Variants in HAS3 observed in about 807,000 individuals in gnomAD.
The protein encoded by HAS3 is hyaluronan synthase 3.
Under a neutral mutation model 50.3 loss-of-function variants are expected in HAS3, and 27 were observed. That is an observed-to-expected ratio of 0.54 (90% CI 0.40 to 0.74). The LOEUF (loss-of-function observed/expected upper bound fraction) is 0.74. Among genes scored for constraint, HAS3 ranks in the 30% least tolerant of loss-of-function variants. HAS3 has a pLI of 0.00. For missense variants in HAS3, 517 were observed against 742.8 expected (o/e 0.70, Z 3.53); for synonymous variants, 339 against 310.9 (o/e 1.09, Z -0.95).
chr16:69,116,849 G>C lies in HAS3; in HGVS notation c.*1583G>C, dbSNP rs1276174959. 1 of 985,292 alleles carries C rather than the reference G, an allele frequency of 1.0e-6. No individual in the cohort carries two copies. The highest frequency in any genetic ancestry group is 1.2e-6 in the Non-Finnish European group (1 of 829,954). 61.0% of individuals were successfully genotyped at this position (985,292 alleles called of 1,614,324 possible). On this transcript the variant is annotated 3_prime_UTR_variant, in exon 4 of 4. Transcript: ENST00000569188. ...GCCCTCCAAATGTCCTTTCTCAGAG[G>C]GGCCAGCTAACCCGTGCAGAACCAG...
chr16:69,117,812 G>T, downstream of HAS3: 1 of 187,144 alleles, frequency 5.3e-6, no homozygotes, highest in Non-Finnish European at 1.0e-5. Flanking sequence ...TTAACTTTTA[G>T]TGTAGAGGGT....
downstream of HAS3, chr16:69,117,869 C>T (rs1259864122): frequency 1.2e-5 from 2 of 170,906 alleles, no homozygotes; most frequent in Admixed American, 1.1e-4. Context: ...CTTGCTAAGA[C>T]TAAAAACCAA....
chr16:69,113,718 C>T (rs1961086154), intron 3 of HAS3, among the ~76,000 whole-genome samples, 176 bp downstream of exon 3: 2 of 152,172 alleles, frequency 1.3e-5, no homozygotes, highest in South Asian at 4.1e-4. Flanking sequence ...CCCTTTCTTG[C>T]TCTTCTTCCA....
At position 69,117,502 on chromosome 16, in the gene HAS3, TTTC is replaced by T; in HGVS notation, c.*2237_*2239del. 1.0e-6 allele frequency: 1 copy of T among 975,282 alleles called. No homozygotes were observed. The highest frequency in any genetic ancestry group is 1.2e-6 in the Non-Finnish European group (1 of 820,250). The allele number at this position is 975,282 out of a possible 1,614,324, so 60.4% of individuals were successfully genotyped here. On this transcript the variant is annotated 3_prime_UTR_variant, in exon 4 of 4. Coordinates refer to ENST00000569188, the MANE Select transcript of HAS3 (RefSeq NM_001199280.2). ...TTATACAATTGGACGCATTTTGGTT[TTTC>T]CTCATTGAGAATTCAAATCCTCTTT...
At chr16:69,094,395 C>T in the HAS3 span, among the ~76,000 whole-genome samples, 138 of 152,188 alleles carry the variant, frequency 9.1e-4, no homozygotes, top group Middle Eastern at 3.4e-3. Flanking sequence ...CAAAACTTGG[C>T]GACCATGTTA....
chr16:69,088,557 C>CAAAAA, the HAS3 span, among the ~76,000 whole-genome samples: 1 of 52,194 alleles, frequency 1.9e-5, no homozygotes. Context: ...GACTCCATCT[C>CAAAAA]AAAAAAAAAA....
chr16:69,111,156 G>GTTTTT (rs1960987308), intron 2 of HAS3, among the ~76,000 whole-genome samples: 1 of 80,192 alleles, frequency 1.2e-5, no homozygotes. Context: ...TCTAGGCCAG[G>GTTTTT]ATTTTTTTTT....
At chr16:69,110,400 G>A (rs917949700) in intron 2 of HAS3, among the ~76,000 whole-genome samples, 11 of 152,100 alleles carry the variant, frequency 7.2e-5, no homozygotes, top group African/African-American at 9.7e-5. Context: ...CACCACACCC[G>A]GCCTTATTAT....
At chr16:69,100,527 G>C in the HAS3 span, among the ~76,000 whole-genome samples, 1 of 152,140 alleles carries the variant, frequency 6.6e-6, no homozygotes, top group African/African-American at 2.4e-5. Context: ...CTGGATGCCA[G>C]GGAGGAGCAG....
the HAS3 span, among the ~76,000 whole-genome samples, chr16:69,099,616 G>C: frequency 6.6e-6 from 1 of 152,158 alleles, no homozygotes; most frequent in Non-Finnish European, 1.5e-5. Context: ...GTGAGCCACC[G>C]CGCCCAGCCT....
In HAS3 at chr16:69,107,379, G is replaced by T. The variant is rs544998073; in HGVS notation, c.-1+1592G>T. 5.1e-6 allele frequency: 5 copies of T among 985,346 alleles called. No individual in the cohort carries two copies. In the African/African-American group the frequency reaches 8.7e-5, roughly 17 times the overall value. The allele number at this position is 985,346 out of a possible 1,614,324, so 61.0% of individuals were successfully genotyped here. Reference sequence around the variant, plus strand: ...GCGCCTTTGTCTACAGGCACACTTTGCCAAGGTAGCTGGGGTACCAGGAAG... The same window carrying T: ...GCGCCTTTGTCTACAGGCACACTTTTCCAAGGTAGCTGGGGTACCAGGAAG... On this transcript the variant is annotated intron_variant, in intron 1 of 3. Coordinates refer to ENST00000569188, the MANE Select transcript of HAS3 (RefSeq NM_001199280.2). The surrounding 1 kb of genome is among the most constrained non-coding windows in gnomAD (Gnocchi z 5.5).
the HAS3 span, among the ~76,000 whole-genome samples, chr16:69,099,893 G>C: frequency 6.6e-6 from 1 of 151,780 alleles, no homozygotes; most frequent in African/African-American, 2.4e-5. Context: ...TTTCTGTTTA[G>C]GATTCTGAGA....
At chr16:69,087,130 CT>C in the HAS3 span, among the ~76,000 whole-genome samples, 2 of 152,124 alleles carry the variant, frequency 1.3e-5, no homozygotes, top group African/African-American at 4.8e-5. Context: ...ACCCAGCAGC[CT>C]TTCTCCTAGA....
Position 69,107,624 on chromosome 16 carries a change from C to T in HAS3, c.1-1772C>T, listed in dbSNP as rs1960851158. 1.0e-6 allele frequency: 1 copy of T among 985,384 alleles called. No individual in the cohort carries two copies. The highest frequency in any genetic ancestry group is 1.2e-6 in the Non-Finnish European group (1 of 829,968). The allele number at this position is 985,384 out of a possible 1,614,324, so 61.0% of individuals were successfully genotyped here. A position where few individuals can be genotyped will look rare whatever the true frequency, so the allele number is the denominator to read the frequency against. On this transcript the variant is annotated intron_variant, in intron 1 of 3. Coordinates refer to ENST00000569188, the MANE Select transcript of HAS3 (RefSeq NM_001199280.2). The surrounding 1 kb of genome is among the most constrained non-coding windows in gnomAD (Gnocchi z 5.5). ...GGGCGCCAGCGCCCAGGTTGCTGGG[C>T]TGGCCTTGGCGCCCCCTTCCCCTAC...
At chr16:69,086,282 C>T in the HAS3 span, among the ~76,000 whole-genome samples, 1 of 151,998 alleles carries the variant, frequency 6.6e-6, no homozygotes, top group African/African-American at 2.4e-5. Flanking sequence ...AATCCACCCA[C>T]CTTAGCATCC....
chr16:69,107,932 G>T lies in HAS3; in HGVS notation c.1-1464G>T, dbSNP rs928701516. 1.3e-5 allele frequency among the ~76,000 whole-genome samples: 2 copies of T among 152,228 alleles called. No individual in the cohort carries two copies. Among genetic ancestry groups the T allele is most frequent in the African/African-American group, 4.8e-5 (2 of 41,466 alleles). ...ACGCTGCTGGAAGGCTGCTAGTGCC[G>T]GAGTCTCAGGTCGATTTAGGCAGTG... On this transcript the variant is annotated intron_variant, in intron 1 of 3. Transcript: ENST00000569188. This position sits in a 1 kb window ranked among gnomAD's most constrained non-coding sequence, Gnocchi z 5.5.
At chr16:69,099,031 C>T in the HAS3 span, among the ~76,000 whole-genome samples, 6 of 151,334 alleles carry the variant, frequency 4.0e-5, no homozygotes, top group East Asian at 3.9e-4. Context: ...AGTGCAGTGG[C>T]GCGATCTCGG....
chr16:69,090,064 G>T, the HAS3 span, among the ~76,000 whole-genome samples: 1 of 152,192 alleles, frequency 6.6e-6, no homozygotes, highest in African/African-American at 2.4e-5. Context: ...GACCCTCCAT[G>T]AAATGTTTTG....
chr16:69,100,342 A>G, the HAS3 span, among the ~76,000 whole-genome samples: 1 of 152,178 alleles, frequency 6.6e-6, no homozygotes, highest in African/African-American at 2.4e-5. Flanking sequence ...AGCTGCGGGA[A>G]CATAACCTGC....
Sources: gnomAD v4.1 joint callset for allele counts (sites outside exome capture counted in the v4.1 genomes callset) on GRCh38, gnomAD v4.1.1 for gene constraint, Gnocchi (gnomAD v3.1) non-coding constraint, MANE v1.5 for transcripts, NCBI Gene and HGNC (gene_info 2026-07-23, HGNC 2026-07-21) for gene names.